The following PTPRR variants were observed in gnomAD, a reference collection of about 807,000 sequenced individuals.
The protein encoded by PTPRR is receptor-type tyrosine-protein phosphatase R.
A neutral mutation model predicts 77.2 loss-of-function variants in PTPRR; 38 were observed. The ratio of observed to expected loss-of-function variants is 0.49; its 90% CI spans 0.38 to 0.65. The LOEUF (loss-of-function observed/expected upper bound fraction) is 0.65. Among genes scored for constraint, PTPRR ranks in the 30% least tolerant of loss-of-function variants. PTPRR has a pLI of 0.00. For missense variants in PTPRR, 744 were observed against 799.2 expected (o/e 0.93, Z 0.83); for synonymous variants, 299 against 283.1 (o/e 1.06, Z -0.57).
chr12:70,888,881 TGAG>T (rs1382872313), intron 2 of PTPRR, among the ~76,000 whole-genome samples: 1 of 152,168 alleles, frequency 6.6e-6, no homozygotes, highest in Non-Finnish European at 1.5e-5. Context: ...TCACAAAATT[TGAG>T]ACTTTTCAGG....
chr12:70,890,697 G>A (rs1209150569), intron 2 of PTPRR, among the ~76,000 whole-genome samples: 1 of 152,050 alleles, frequency 6.6e-6, no homozygotes, highest in African/African-American at 2.4e-5. Flanking sequence ...ATAATTCTTA[G>A]TACCACTGCA....
intron 6 of PTPRR, among the ~76,000 whole-genome samples, chr12:70,733,593 C>T (rs1227313895): frequency 6.6e-6 from 1 of 152,084 alleles, no homozygotes; most frequent in Non-Finnish European, 1.5e-5. Context: ...TCCACGTCCT[C>T]CAATCGTGAG....
intron 2 of PTPRR, among the ~76,000 whole-genome samples, chr12:70,848,897 C>A (rs1181600652): frequency 1.3e-5 from 2 of 152,094 alleles, no homozygotes; most frequent in African/African-American, 2.4e-5. Context: ...TATTAAATAA[C>A]CTCTGTTGGG....
intron 2 of PTPRR, among the ~76,000 whole-genome samples, chr12:70,773,981 C>T (rs1284883510): frequency 6.6e-6 from 1 of 152,166 alleles, no homozygotes; most frequent in Non-Finnish European, 1.5e-5. Flanking sequence ...ATCTACCTGG[C>T]ATACCTGGGA....
At chr12:70,871,577 T>C (rs1200175065) in intron 2 of PTPRR, among the ~76,000 whole-genome samples, 1 of 152,192 alleles carries the variant, frequency 6.6e-6, no homozygotes, top group African/African-American at 2.4e-5. Flanking sequence ...CAATAAAGCA[T>C]GCTGTAGAAA....
rs1481744918 is a variant in PTPRR, at chr12:70,761,584, G to T, written c.514C>A (p.Arg172=). The part of the protein sequence containing the change: ...SIELFVSPIN[R]KTGISDALPS... Reference sequence around the variant, plus strand: ...AGAGCATCAGAAATTCCTGTTTTTCGGTTTATGGGAGACACAAACAGTTCA... The same window carrying T: ...AGAGCATCAGAAATTCCTGTTTTTCTGTTTATGGGAGACACAAACAGTTCA... Residue 172 remains arginine (R), a synonymous_variant, in exon 4 of 14, where the codon CGA becomes AGA. Transcript: ENST00000283228. 1 of 1,611,050 alleles carries T rather than the reference G, an allele frequency of 6.2e-7. No individual in the cohort carries two copies. The highest frequency in any genetic ancestry group is 1.7e-5 in the Admixed American group (1 of 59,594).
At chr12:70,800,714 G>A (rs1486694505) in intron 2 of PTPRR, among the ~76,000 whole-genome samples, 1 of 152,020 alleles carries the variant, frequency 6.6e-6, no homozygotes, top group Non-Finnish European at 1.5e-5. Flanking sequence ...GGCCAACATG[G>A]TGAAACCCCA....
chr12:70,875,537 A>G (rs7304735), intron 2 of PTPRR, among the ~76,000 whole-genome samples: 3,797 of 151,942 alleles, frequency 0.025, 144 homozygotes, highest in African/African-American at 0.087. Flanking sequence ...TTTCTTACCT[A>G]TGTAGAAGTA....
intron 11 of PTPRR, among the ~76,000 whole-genome samples, chr12:70,661,573 G>C (rs1290393877): frequency 2.6e-5 from 4 of 152,108 alleles, no homozygotes; most frequent in African/African-American, 9.7e-5. Flanking sequence ...ATAGGAGTGA[G>C]GAATCACAGC....
chr12:70,775,438 C>T (rs2136990454), intron 2 of PTPRR, among the ~76,000 whole-genome samples: 1 of 152,290 alleles, frequency 6.6e-6, no homozygotes, highest in South Asian at 2.1e-4. Context: ...CTTTCAGGTA[C>T]CAGCATTATG....
intron 2 of PTPRR, among the ~76,000 whole-genome samples, chr12:70,869,120 C>T (rs1398038468): frequency 6.6e-6 from 1 of 151,354 alleles, no homozygotes; most frequent in Non-Finnish European, 1.5e-5. Context: ...ACCAACATGG[C>T]ACATGAATAC....
At chr12:70,809,981 C>T (rs776204106) in intron 2 of PTPRR, among the ~76,000 whole-genome samples, 8 of 152,054 alleles carry the variant, frequency 5.3e-5, no homozygotes, top group Admixed American at 1.3e-4. Context: ...AGATGGACTT[C>T]GAAATGGAAA....
chr12:70,652,358 T>G (rs1886426972), intron 13 of PTPRR, among the ~76,000 whole-genome samples: 1 of 152,162 alleles, frequency 6.6e-6, no homozygotes, highest in Non-Finnish European at 1.5e-5. Flanking sequence ...GGTTTTCTGT[T>G]CTGCTTTTCA....
At position 70,766,416 on chromosome 12, in the gene PTPRR, G is replaced by A. The variant is rs868544831; in HGVS notation, c.358-1638C>T. On this transcript the variant is annotated intron_variant, in intron 2 of 13. Transcript: ENST00000283228. ...ATCAACTGGAAGAAAGGGTATCAGT[G>A]ATGGAAGATGAAATGAATGAAATTA... 2.0e-4 allele frequency among the ~76,000 whole-genome samples: 31 copies of A among 152,294 alleles called. 1 individual carries two copies. The Middle Eastern group carries it at 0.01, about 50-fold the overall frequency.
In PTPRR at chr12:70,761,539, G is replaced by A. The variant is rs905718588; in HGVS notation, c.559C>T (p.Arg187Cys). 6.2e-6 allele frequency: 10 copies of A among 1,612,234 alleles called. No individual in the cohort carries two copies. The highest frequency in any genetic ancestry group is 1.6e-4 in the Middle Eastern group (1 of 6,078). Residue 187 changes from arginine (R) to cysteine (C), a missense_variant, in exon 4 of 14, where the codon CGT becomes TGT. Arg to Cys is a radical substitution (Grantham distance 180, BLOSUM62 -3). Transcript: ENST00000283228. ...SDALPSEEVL[R>C]SLNINVLHQS... ...TGCAAAACATTGATATTAAGTGAAC[G>A]AAGAACTTCCTCAGAGGGCAGAGCA...
At chr12:70,764,922 T>TGAC (rs1890779841) in intron 2 of PTPRR, 144 bp from the exon 3 acceptor site, 2 of 618,220 alleles carry the variant, frequency 3.2e-6, no homozygotes, top group African/African-American at 3.7e-5. Context: ...TCTGCTAAGT[T>TGAC]TACACTAATA....
intron 2 of PTPRR, among the ~76,000 whole-genome samples, chr12:70,811,087 A>G (rs1190144372): frequency 6.6e-6 from 1 of 152,196 alleles, no homozygotes; most frequent in Non-Finnish European, 1.5e-5. Flanking sequence ...AAAACCTCAC[A>G]TCAATAAAAA....
At position 70,855,303 on chromosome 12, in the gene PTPRR, A is replaced by G. The variant is rs146622194; in HGVS notation, c.357+37376T>C. Among the ~76,000 whole-genome samples the G allele has an allele frequency of 5.4e-4, 83 of 152,304 alleles. 1 individual carries two copies. Among genetic ancestry groups the G allele is most frequent in the Non-Finnish European group, 9.8e-4 (67 of 68,026 alleles). On this transcript the variant is annotated intron_variant, in intron 2 of 13. Transcript: ENST00000283228. The stretch of plus-strand genomic sequence containing the variant: ...AAGCTTAGACATAAACCCAAAAGGA[A>G]TAGTTATCATATGGGGTGAGTGAAA...
chr12:70,914,095 A>T (rs1354600279), intron 1 of PTPRR, among the ~76,000 whole-genome samples: 2 of 152,192 alleles, frequency 1.3e-5, no homozygotes, highest in Non-Finnish European at 2.9e-5. Context: ...GCTATGCCTG[A>T]TCAACATTTG....
Sources: gnomAD v4.1 joint callset for allele counts (sites outside exome capture counted in the v4.1 genomes callset) on GRCh38, gnomAD v4.1.1 for gene constraint, MANE v1.5 for transcripts, NCBI Gene and HGNC (gene_info 2026-07-23, HGNC 2026-07-21) for gene names.